The following B3GNT3 variants were observed in gnomAD, a reference collection of about 807,000 sequenced individuals.
The protein encoded by B3GNT3 is UDP-GlcNAc:betaGal beta-1,3-N-acetylglucosaminyltransferase 3.
In B3GNT3, 7 loss-of-function variants were observed where a neutral mutation model predicts 11.6. The ratio of observed to expected loss-of-function variants is 0.60; its 90% CI spans 0.34 to 1.13. The LOEUF (loss-of-function observed/expected upper bound fraction) is 1.13. B3GNT3 is among the 50% of genes most tolerant of loss of function. The pLI, the probability that B3GNT3 is intolerant of heterozygous loss-of-function variation, is 0.03. For missense variants in B3GNT3, 400 were observed against 507.4 expected (o/e 0.79, Z 2.03); for synonymous variants, 201 against 222.1 (o/e 0.90, Z 0.85).
chr19:17,812,131 C>T lies in B3GNT3; in HGVS notation c.*9C>T. The T allele has an allele frequency of 6.3e-7, 1 of 1,576,354 alleles. No individual in the cohort carries two copies. ...AGACACAGATCTACTGAGTCAGCAT[C>T]AGGGTCCCCAGCCTCTGGGCTCCTG... On this transcript the variant is annotated 3_prime_UTR_variant, in exon 3 of 3. Transcript: ENST00000318683.
chr19:17,797,547 A>G (rs1355244145), intron 1 of B3GNT3, among the ~76,000 whole-genome samples: 3 of 152,148 alleles, frequency 2.0e-5, no homozygotes, highest in African/African-American at 7.2e-5. Context: ...GCCCCTTTCC[A>G]GTCTCACATA....
At chr19:17,807,621 G>C in intron 1 of B3GNT3, 137 bp from the exon 2 acceptor site, 1 of 602,878 alleles carries the variant, frequency 1.7e-6, no homozygotes. Flanking sequence ...GTCTTGCAAG[G>C]GGTGGAGGAG....
intron 1 of B3GNT3, among the ~76,000 whole-genome samples, chr19:17,804,111 T>A (rs1188950655): frequency 6.6e-6 from 1 of 152,074 alleles, no homozygotes; most frequent in Non-Finnish European, 1.5e-5. Context: ...CAGAGGTTCC[T>A]CATTCTGCTC....
At chr19:17,800,368 G>A (rs57501469) in intron 1 of B3GNT3, among the ~76,000 whole-genome samples, 288 of 152,080 alleles carry the variant, frequency 1.9e-3, no homozygotes, top group African/African-American at 6.7e-3. Context: ...CAGCAAGCGA[G>A]ACTCTGTCTC....
In B3GNT3 at chr19:17,811,037, C is replaced by T. The variant is rs1222868073; in HGVS notation, c.568-534C>T. Among the ~76,000 whole-genome samples, 1 of 150,762 alleles carries T rather than the reference C, an allele frequency of 6.6e-6. No homozygotes were observed. The highest frequency in any genetic ancestry group is 1.5e-5 in the Non-Finnish European group (1 of 67,774). ...CAGCCTGCGTAGCATAGCAAGATCC[C>T]ATCTCTTAAAAAAAAAAAAATTATT... On this transcript the variant is annotated intron_variant, in intron 2 of 2. Coordinates refer to ENST00000318683, the MANE Select transcript of B3GNT3 (RefSeq NM_014256.4). This position sits in a 1 kb window ranked among gnomAD's most constrained non-coding sequence, Gnocchi z 4.1.
At chr19:17,800,198 A>G (rs1230206297) in intron 1 of B3GNT3, among the ~76,000 whole-genome samples, 1 of 152,064 alleles carries the variant, frequency 6.6e-6, no homozygotes, top group Non-Finnish European at 1.5e-5. Flanking sequence ...AACGCGCTGA[A>G]ACCCCGTCTT....
rs2147656342 is a variant in B3GNT3, at chr19:17,811,823, T to C, written c.820T>C (p.Leu274=). 1 of 1,614,248 alleles carries C rather than the reference T, an allele frequency of 6.2e-7. No individual in the cohort carries two copies. Among genetic ancestry groups the C allele is most frequent in the African/African-American group, 1.3e-5 (1 of 75,068 alleles). The change falls in exon 3 of 3, where the codon TTG becomes CTG. Residue 274 remains leucine, a synonymous_variant. Coordinates refer to ENST00000318683, the MANE Select transcript of B3GNT3 (RefSeq NM_014256.4). This position sits in a 1 kb window ranked among gnomAD's most constrained non-coding sequence, Gnocchi z 4.1. ...YPPYCGGGGF[L]LSRFTAAALR... ...ACCCTATTGTGGGGGTGGTGGCTTC[T>C]TGCTGTCCCGCTTCACGGCCGCTGC...
chr19:17,805,124 A>G (rs1225727690), intron 1 of B3GNT3, among the ~76,000 whole-genome samples: 4 of 89,796 alleles, frequency 4.5e-5, no homozygotes, highest in African/African-American at 2.1e-4. Context: ...TTTTTTTTTT[A>G]ATGACAGTCT....
At chr19:17,797,673 G>A (rs1257246198) in intron 1 of B3GNT3, among the ~76,000 whole-genome samples, 2 of 152,128 alleles carry the variant, frequency 1.3e-5, no homozygotes, top group Non-Finnish European at 2.9e-5. Context: ...TAAAGTGCAT[G>A]TGTCACCGTG....
At chr19:17,798,699 G>A (rs1474704664) in intron 1 of B3GNT3, among the ~76,000 whole-genome samples, 2 of 152,012 alleles carry the variant, frequency 1.3e-5, no homozygotes, top group South Asian at 4.2e-4. Context: ...TTGTGGCTGG[G>A]TGCAGTGGCT....
rs1759869238 is a variant in B3GNT3, at chr19:17,813,056, G to C, written c.*934G>C. 1 of 151,990 alleles carries C rather than the reference G, an allele frequency of 6.6e-6. No homozygotes were observed. The highest frequency in any genetic ancestry group is 1.5e-5 in the Non-Finnish European group (1 of 68,004). The allele number at this position is 151,990 out of a possible 1,614,324, so 9.4% of individuals were successfully genotyped here. On this transcript the variant is annotated 3_prime_UTR_variant, in exon 3 of 3. Transcript: ENST00000318683. ...GGCATTGTGATGGGGCAGCCTTGGG[G>C]AATATAAAATTTTGTGAAGACTTGG...
intron 1 of B3GNT3, among the ~76,000 whole-genome samples, chr19:17,801,797 A>AT (rs869252561): frequency 5.3e-5 from 8 of 151,798 alleles, no homozygotes; most frequent in Non-Finnish European, 8.8e-5. Flanking sequence ...AATTAAAAAA[A>AT]TTTTTTTTGG....
intron 1 of B3GNT3, among the ~76,000 whole-genome samples, chr19:17,802,611 A>G (rs917509632): frequency 6.6e-6 from 1 of 152,062 alleles, no homozygotes. Flanking sequence ...AGACTACGGA[A>G]AGAGCTGGAA....
At chr19:17,807,407 G>A (rs760638023) in intron 1 of B3GNT3, among the ~76,000 whole-genome samples, 73 of 151,204 alleles carry the variant, frequency 4.8e-4, no homozygotes, top group Non-Finnish European at 9.4e-4. Flanking sequence ...CAGGAGGATC[G>A]CTTGAACCCA....
intron 2 of B3GNT3, among the ~76,000 whole-genome samples, chr19:17,809,972 G>A (rs918763111): frequency 9.9e-5 from 15 of 152,156 alleles, no homozygotes; most frequent in African/African-American, 3.6e-4. Flanking sequence ...GTTTCTCTGC[G>A]GGTGACCTCA....
intron 1 of B3GNT3, among the ~76,000 whole-genome samples, chr19:17,795,671 G>A (rs2094158748): frequency 6.6e-6 from 1 of 152,226 alleles, no homozygotes; most frequent in African/African-American, 2.4e-5. Flanking sequence ...GCCCTGCCAG[G>A]TGGCTGGGCG....
chr19:17,805,131 G>A (rs2094171579), intron 1 of B3GNT3, among the ~76,000 whole-genome samples: 2 of 139,856 alleles, frequency 1.4e-5, no homozygotes, highest in Non-Finnish European at 1.5e-5. Flanking sequence ...TTTAATGACA[G>A]TCTCTCTCTG....
rs778205303 is a variant in B3GNT3 at position 17,808,092 on chromosome 19, G to A, written c.285G>A (p.Leu95=). 3 of 1,613,826 alleles carry A rather than the reference G, an allele frequency of 1.9e-6. No individual in the cohort carries two copies. The highest frequency in any genetic ancestry group is 1.7e-6 in the Non-Finnish European group (2 of 1,179,906). Residue 95 remains leucine, a synonymous_variant, in exon 2 of 3, where the codon CTG becomes CTA. Coordinates refer to ENST00000318683, the MANE Select transcript of B3GNT3 (RefSeq NM_014256.4). Reference sequence around the variant, plus strand: ...GACACTGCCGCCACTTTCCCCTGCTGCAGGACGTGCCCCCCTCTAAGTGCG... The same window carrying A: ...GACACTGCCGCCACTTTCCCCTGCTACAGGACGTGCCCCCCTCTAAGTGCG... ...LYRHCRHFPL[L]QDVPPSKCAQ...
At chr19:17,800,567 C>G (rs2094164904) in intron 1 of B3GNT3, among the ~76,000 whole-genome samples, 1 of 152,166 alleles carries the variant, frequency 6.6e-6, no homozygotes, top group Non-Finnish European at 1.5e-5. Flanking sequence ...CATTAATTTT[C>G]AATGAGTCAT....
Sources: gnomAD v4.1 joint callset for allele counts (sites outside exome capture counted in the v4.1 genomes callset) on GRCh38, gnomAD v4.1.1 for gene constraint, Gnocchi (gnomAD v3.1) non-coding constraint, MANE v1.5 for transcripts, NCBI Gene and HGNC (gene_info 2026-07-23, HGNC 2026-07-21) for gene names.